DGKA: variants seen among roughly 807,000 people sequenced by gnomAD.
The protein encoded by DGKA is 80 kDa diacylglycerol kinase.
A neutral mutation model predicts 105.0 loss-of-function variants in DGKA; 35 were observed. The observed-to-expected ratio is 0.33, with a 90% CI of 0.25 to 0.44. DGKA has a LOEUF of 0.44. Among genes scored for constraint, DGKA ranks in the 20% least tolerant of loss-of-function variants. DGKA has a pLI of 1.00. For synonymous variants in DGKA, 296 were observed against 332.0 expected (o/e 0.89, Z 1.18); for missense variants, 665 against 915.0 (o/e 0.73, Z 3.53).
At chr12:55,951,884 C>T in intron 18 of DGKA, 101 bp downstream of exon 18, 1 of 1,529,952 alleles carries the variant, frequency 6.5e-7, no homozygotes, top group Non-Finnish European at 9.0e-7. Flanking sequence ...TGACCTGTGA[C>T]ACAGGGAAAT....
intron 23 of DGKA, 102 bp from the exon 24 acceptor site, chr12:55,953,583 C>G: frequency 1.4e-6 from 2 of 1,403,652 alleles, no homozygotes; most frequent in African/African-American, 2.8e-5. Context: ...CTCTAGGAAC[C>G]TAGCAACCCA....
intron 9 of DGKA, chr12:55,939,735 G>A (rs140648995): frequency 3.9e-4 from 236 of 612,944 alleles, no homozygotes; most frequent in Non-Finnish European, 5.4e-4. Context: ...AAAAAAGTTG[G>A]TGCAAGAAAA....
At chr12:55,948,080 C>T (rs1887402927) in intron 17 of DGKA, among the ~76,000 whole-genome samples, 1 of 151,782 alleles carries the variant, frequency 6.6e-6, no homozygotes, top group African/African-American at 2.4e-5. Flanking sequence ...TGTGAGCCAC[C>T]ATACCCAGCC....
rs1287477876 is a variant in DGKA at position 55,938,907 on chromosome 12, T to C, written c.400-8T>C. 6.2e-7 allele frequency: 1 copy of C among 1,614,114 alleles called. No individual in the cohort carries two copies. The highest frequency in any genetic ancestry group is 8.5e-7 in the Non-Finnish European group (1 of 1,180,036). ...ATATGGCTGTGGCTCTTGCCCTTTT[T>C]GCTCCAGGAAGTGGACAAAATTATC... On this transcript the variant is annotated splice_polypyrimidine_tract_variant and splice_region_variant and intron_variant, in intron 6 of 23. Coordinates refer to ENST00000331886, the MANE Select transcript of DGKA (RefSeq NM_001345.5).
chr12:55,938,682 T>C, intron 6 of DGKA, 122 bp downstream of exon 6: 2 of 1,595,630 alleles, frequency 1.3e-6, no homozygotes, highest in Non-Finnish European at 1.7e-6. Flanking sequence ...TTGAGTCCTC[T>C]AGGACTAAAT....
At position 55,932,736 on chromosome 12, in the gene DGKA, CACACAA is replaced by C; in HGVS notation, c.-82+1393_-82+1398del. 6.5e-6 allele frequency: 4 copies of C among 612,308 alleles called. No homozygotes were observed. The highest frequency in any genetic ancestry group is 1.8e-5 in the South Asian group (1 of 54,714). 37.9% of individuals were successfully genotyped at this position (612,308 alleles called of 1,614,324 possible). On this transcript the variant is annotated intron_variant, in intron 1 of 23. Coordinates refer to ENST00000331886, the MANE Select transcript of DGKA (RefSeq NM_001345.5). This position sits in a 1 kb window ranked among gnomAD's most constrained non-coding sequence, Gnocchi z 4.3. The stretch of plus-strand genomic sequence containing the variant: ...ACACACACACACACACACACACACA[CACACAA>C]CCCCCTCAGCCAGGTGTAGCACTGC...
intron 2 of DGKA, 172 bp downstream of exon 2, chr12:55,936,739 A>G (rs1242883604): frequency 2.0e-6 from 2 of 1,023,742 alleles, no homozygotes; most frequent in African/African-American, 3.1e-5. Context: ...ATGTCAGAAA[A>G]AGATCCGGAT....
Position 55,932,481 on chromosome 12 carries a change from C to T in DGKA, c.-82+1137C>T, listed in dbSNP as rs1450090205. On this transcript the variant is annotated intron_variant, in intron 1 of 23. Coordinates refer to ENST00000331886, the MANE Select transcript of DGKA (RefSeq NM_001345.5). The surrounding 1 kb of genome is among the most constrained non-coding windows in gnomAD (Gnocchi z 4.3). ...TGTTTGGCCTCCAGGTCCCCAACTT[C>T]CCACCCCATCCTCTCCCCACCTGTC... The T allele has an allele frequency of 1.4e-6, 1 of 700,078 alleles. No individual in the cohort carries two copies. Among genetic ancestry groups the T allele is most frequent in the Admixed American group, 2.0e-5 (1 of 49,942 alleles). 43.4% of individuals were successfully genotyped at this position (700,078 alleles called of 1,614,324 possible). A position where few individuals can be genotyped will look rare whatever the true frequency, so the allele number is the denominator to read the frequency against.
chr12:55,949,666 T>C (rs1476746744), intron 17 of DGKA, among the ~76,000 whole-genome samples: 1 of 152,232 alleles, frequency 6.6e-6, no homozygotes, highest in Non-Finnish European at 1.5e-5. Flanking sequence ...TTTGCCAACC[T>C]GATATGCAAC....
chr12:55,938,722 T>C (rs765574999), intron 6 of DGKA, 162 bp downstream of exon 6: 2 of 1,549,534 alleles, frequency 1.3e-6, no homozygotes, highest in African/African-American at 2.7e-5. Context: ...TCTTGACCCC[T>C]CAAAGAGAAT....
intron 17 of DGKA, among the ~76,000 whole-genome samples, chr12:55,948,315 C>T (rs1321468142): frequency 1.3e-5 from 2 of 151,512 alleles, no homozygotes; most frequent in Non-Finnish European, 1.5e-5. Context: ...CAGGAGTAAT[C>T]GCTTGAACCC....
chr12:55,938,992 A>G lies in DGKA; in HGVS notation c.474+3A>G. On this transcript the variant is annotated splice_donor_region_variant and intron_variant, in intron 7 of 23. Transcript: ENST00000331886. ...GGGATGTGTCTGAGCTGAGGCCGGTAAGGCAGCTCTTCCTTCATGTCCCTT... is the reference window on the plus strand; with the variant it reads ...GGGATGTGTCTGAGCTGAGGCCGGTGAGGCAGCTCTTCCTTCATGTCCCTT... 6.2e-7 allele frequency: 1 copy of G among 1,614,188 alleles called. No homozygotes were observed. Among genetic ancestry groups the G allele is most frequent in the East Asian group, 2.2e-5 (1 of 44,880 alleles).
In DGKA at chr12:55,932,529, C is replaced by G. The variant is rs1306785719; in HGVS notation, c.-82+1185C>G. ...GTCACTGGGAAGTTTCTGAAAATAC[C>G]TGAGTCTGAATCTCACTTTTCACCT... On this transcript the variant is annotated intron_variant, in intron 1 of 23. Transcript: ENST00000331886. The surrounding 1 kb of genome is among the most constrained non-coding windows in gnomAD (Gnocchi z 4.3). 4 of 702,192 alleles carry G rather than the reference C, an allele frequency of 5.7e-6. No individual in the cohort carries two copies. Among genetic ancestry groups the G allele is most frequent in the Non-Finnish European group, 1.0e-5 (4 of 384,818 alleles). 43.5% of individuals were successfully genotyped at this position (702,192 alleles called of 1,614,324 possible).
chr12:55,951,861 G>C, intron 18 of DGKA, 78 bp downstream of exon 18: 1 of 1,567,256 alleles, frequency 6.4e-7, no homozygotes, highest in Non-Finnish European at 8.7e-7. Context: ...CAGAAAAGGA[G>C]GGGGAGGTTA....
At chr12:55,927,768 AGAGGCAGCGGACCAGGTTG>A (rs1482475051), upstream of DGKA, 30 of 1,538,762 alleles carry the variant, frequency 1.9e-5, no homozygotes, top group Non-Finnish European at 2.6e-5. Context: ...CCATGGCCGA[AGAGGCAGCGGACCAGGTTG>A]GGCGGGCGGC....
chr12:55,939,507 C>A lies in DGKA; in HGVS notation c.687C>A (p.Gly229=), dbSNP rs765564187. The change falls in exon 9 of 24, where the codon GGC becomes GGA. Residue 229 remains glycine, a synonymous_variant. Transcript: ENST00000331886. ...TGTGCGAGTCAAGCATTGGTCTTGG[C>A]AAACAGGGACTGAGCTGTAACCGTG... is the stretch of plus-strand genomic sequence containing the variant. ...CNLCESSIGL[G]KQGLSCNLCK... is the part of the protein sequence containing the mutation. 6.2e-7 allele frequency: 1 copy of A among 1,614,144 alleles called. No individual in the cohort carries two copies. Among genetic ancestry groups the A allele is most frequent in the Non-Finnish European group, 8.5e-7 (1 of 1,180,044 alleles).
rs542495726 is a variant in DGKA at position 55,939,820 on chromosome 12, C to T, written c.710-262C>T. The T allele has an allele frequency of 8.8e-4, 519 of 587,004 alleles. 2 individuals are homozygous for T. The highest frequency in any genetic ancestry group is 1.8e-3 in the Middle Eastern group (4 of 2,178). The allele number at this position is 587,004 out of a possible 1,614,324, so 36.4% of individuals were successfully genotyped here. A position where few individuals can be genotyped will look rare whatever the true frequency, so the allele number is the denominator to read the frequency against. On this transcript the variant is annotated intron_variant, in intron 9 of 23. Transcript: ENST00000331886. ...TATTATGATTACTGTTGCTGTTAGA[C>T]CTGGGCCTCCCAAGCATTATCCAGC...
chr12:55,940,274 C>G lies in DGKA; in HGVS notation c.799-40C>G. 1 of 1,614,254 alleles carries G rather than the reference C, an allele frequency of 6.2e-7. No homozygotes were observed. Among genetic ancestry groups the G allele is most frequent in the Middle Eastern group, 1.6e-4 (1 of 6,062 alleles). On this transcript the variant is annotated intron_variant, in intron 10 of 23. Coordinates refer to ENST00000331886, the MANE Select transcript of DGKA (RefSeq NM_001345.5). This position sits in a 1 kb window ranked among gnomAD's most constrained non-coding sequence, Gnocchi z 4.3. ...CAGCCCCTCCCTCCCCTAGGTCCTG[C>G]TCAGACCCTGCCAGACAAGGAACTG...
At chr12:55,939,330 T>A in intron 8 of DGKA, 25 bp downstream of exon 8, 1 of 1,612,914 alleles carries the variant, frequency 6.2e-7, no homozygotes, top group South Asian at 1.1e-5. Flanking sequence ...CTTTGGGGGA[T>A]GAGTAAGACA....
Sources: allele counts gnomAD v4.1 joint callset (sites outside exome capture counted in the v4.1 genomes callset), GRCh38; gene constraint gnomAD v4.1.1; non-coding constraint Gnocchi (gnomAD v3.1); transcripts MANE v1.5; gene names NCBI Gene and HGNC (gene_info 2026-07-23, HGNC 2026-07-21).